PRELID2: variants seen among roughly 807,000 people sequenced by gnomAD.
PRELID2 encodes PRELI domain containing 2, also known as PRELI domain-containing protein 2.
Under a neutral mutation model 28.4 loss-of-function variants are expected in PRELID2, and 25 were observed. The observed-to-expected ratio is 0.88, with a 90% CI of 0.64 to 1.23. PRELID2 has a LOEUF of 1.23. Among genes scored for constraint, PRELID2 ranks in the 50% most tolerant of loss-of-function variants. The pLI is 0.00. For synonymous variants in PRELID2, 76 were observed against 71.6 expected, an observed-to-expected ratio of 1.06 and a Z score of -0.31; for missense variants, 201 against 214.4, an observed-to-expected ratio of 0.94 and a Z score of 0.39.
At chr5:145,737,876 C>G (rs977708969) in intron 1 of PRELID2, among the ~76,000 whole-genome samples, 3 of 152,190 alleles carry the variant, frequency 2.0e-5, no homozygotes, top group Admixed American at 1.3e-4. Context: ...ATGAGCCCCA[C>G]TGGAGACTGT....
At chr5:145,725,045 CA>C (rs1756106729) in intron 1 of PRELID2, among the ~76,000 whole-genome samples, 1 of 151,932 alleles carries the variant, frequency 6.6e-6, no homozygotes, top group Non-Finnish European at 1.5e-5. Flanking sequence ...TCCCAGCCAA[CA>C]AATACTTTTT....
intron 1 of PRELID2, among the ~76,000 whole-genome samples, chr5:145,543,859 A>C (rs1051558741): frequency 1.4e-4 from 21 of 152,194 alleles, no homozygotes; most frequent in African/African-American, 5.1e-4. Flanking sequence ...CAGTTCATAA[A>C]GCTTGTCATT....
At chr5:145,814,294 T>C (rs1754149771) in intron 4 of PRELID2, among the ~76,000 whole-genome samples, 2 of 152,212 alleles carry the variant, frequency 1.3e-5, no homozygotes, top group Non-Finnish European at 2.9e-5. Flanking sequence ...ACGAAGTAGA[T>C]GAAATGATTT....
At chr5:145,517,995 GT>G (rs1752530960) in intron 1 of PRELID2, among the ~76,000 whole-genome samples, 1 of 152,040 alleles carries the variant, frequency 6.6e-6, no homozygotes, top group South Asian at 2.1e-4. Flanking sequence ...CTGTCAGTGG[GT>G]GGTGGGCTAG....
At chr5:145,586,267 A>G (rs1038519323) in intron 1 of PRELID2, among the ~76,000 whole-genome samples, 9 of 151,992 alleles carry the variant, frequency 5.9e-5, no homozygotes, top group African/African-American at 2.2e-4. Context: ...CTCTACTTAT[A>G]TAAGTCCTAA....
chr5:145,481,306 C>T (rs1752157198), intron 1 of PRELID2, among the ~76,000 whole-genome samples: 1 of 151,408 alleles, frequency 6.6e-6, no homozygotes, highest in African/African-American at 2.4e-5. Flanking sequence ...ACTTTTAATT[C>T]TTAACTCCTC....
chr5:145,551,229 T>C (rs1421774833), intron 1 of PRELID2, among the ~76,000 whole-genome samples: 2 of 151,756 alleles, frequency 1.3e-5, no homozygotes, highest in South Asian at 4.2e-4. Flanking sequence ...GGTGAAACCT[T>C]GTCTCTACTA....
At chr5:145,320,925 G>A in the PRELID2 span, among the ~76,000 whole-genome samples, 1 of 152,122 alleles carries the variant, frequency 6.6e-6, no homozygotes, top group East Asian at 1.9e-4. Flanking sequence ...TTTTCTATAT[G>A]CTCAGCGTAG....
At chr5:145,400,158 T>C in the PRELID2 span, among the ~76,000 whole-genome samples, 4 of 152,146 alleles carry the variant, frequency 2.6e-5, no homozygotes, top group African/African-American at 9.7e-5. Context: ...GTGATGACTA[T>C]TTTTTGAGAT....
chr5:145,229,318 C>G, the PRELID2 span: 2 of 744,356 alleles, frequency 2.7e-6, no homozygotes, highest in South Asian at 1.3e-5. Context: ...CAAAGCAACA[C>G]GGGATTCCCA....
chr5:145,364,252 T>C, the PRELID2 span, among the ~76,000 whole-genome samples: 1 of 152,102 alleles, frequency 6.6e-6, no homozygotes, highest in African/African-American at 2.4e-5. Context: ...CTGTCCACAG[T>C]GCCTTTAAGT....
At chr5:145,285,342 T>G in the PRELID2 span, among the ~76,000 whole-genome samples, 2 of 152,142 alleles carry the variant, frequency 1.3e-5, no homozygotes. Flanking sequence ...ATCCTAAAGA[T>G]AGCACTAAGA....
chr5:145,678,018 T>C (rs779033568), intron 1 of PRELID2, among the ~76,000 whole-genome samples: 2 of 152,202 alleles, frequency 1.3e-5, no homozygotes, highest in African/African-American at 2.4e-5. Context: ...TAACTATCTA[T>C]ATGAGGGCAA....
At chr5:145,385,342 C>T in the PRELID2 span, among the ~76,000 whole-genome samples, 1,623 of 152,260 alleles carry the variant, frequency 0.011, 29 homozygotes, top group East Asian at 0.042. Flanking sequence ...GTCTTTATCA[C>T]TGCCCTGAGT....
chr5:145,481,112 G>T (rs544840144), intron 1 of PRELID2, among the ~76,000 whole-genome samples: 2 of 151,972 alleles, frequency 1.3e-5, no homozygotes, highest in Admixed American at 1.3e-4. Flanking sequence ...TATAATTATC[G>T]TAAGATAAAA....
At chr5:145,812,922 G>T (rs756675344) in intron 4 of PRELID2, among the ~76,000 whole-genome samples, 1 of 152,324 alleles carries the variant, frequency 6.6e-6, no homozygotes, top group South Asian at 2.1e-4. Context: ...CAGTACAGAT[G>T]GGGGAAAGCC....
At chr5:145,580,519 C>T (rs566731984) in intron 1 of PRELID2, among the ~76,000 whole-genome samples, 2 of 152,160 alleles carry the variant, frequency 1.3e-5, no homozygotes, top group South Asian at 4.1e-4. Context: ...TGTCCACTGA[C>T]TACCCTTTGT....
the PRELID2 span, among the ~76,000 whole-genome samples, chr5:145,361,637 G>A: frequency 6.6e-6 from 1 of 152,074 alleles, no homozygotes; most frequent in African/African-American, 2.4e-5. Flanking sequence ...AATGCATATT[G>A]GAGTCTCCCA....
chr5:145,327,999 T>C, the PRELID2 span, among the ~76,000 whole-genome samples: 1 of 152,118 alleles, frequency 6.6e-6, no homozygotes, highest in African/African-American at 2.4e-5. Context: ...GTGTTCTCAT[T>C]GTTCAACTCC....
Sources: gnomAD v4.1 joint callset for allele counts (sites outside exome capture counted in the v4.1 genomes callset) on GRCh38, gnomAD v4.1.1 for gene constraint, MANE v1.5 for transcripts, NCBI Gene and HGNC (gene_info 2026-07-23, HGNC 2026-07-21) for gene names.